Variants in CAMK1D observed in about 807,000 individuals in gnomAD.
The protein encoded by CAMK1D is calcium/calmodulin dependent protein kinase ID, also known as calcium/calmodulin-dependent protein kinase type 1D.
Under a neutral mutation model 47.7 loss-of-function variants are expected in CAMK1D, and 9 were observed. The observed-to-expected ratio is 0.19, with a 90% CI of 0.11 to 0.33. CAMK1D has a LOEUF of 0.33. Among genes scored for constraint, CAMK1D ranks in the 10% least tolerant of loss-of-function variants. The probability of loss-of-function intolerance (pLI) is 1.00; values close to 1 mark genes in which losing one functional copy is unlikely to be tolerated. For missense variants in CAMK1D, 291 were observed against 488.7 expected (o/e 0.60, Z 3.81); for synonymous variants, 184 against 184.9 (o/e 0.99, Z 0.04).
chr10:12,714,007 T>C (rs896976042), intron 3 of CAMK1D, among the ~76,000 whole-genome samples: 7 of 152,284 alleles, frequency 4.6e-5, no homozygotes, highest in African/African-American at 1.7e-4. Context: ...AACGGGGTTA[T>C]GTTGACAGCT....
intron 1 of CAMK1D, among the ~76,000 whole-genome samples, chr10:12,399,879 A>G (rs1433225957): frequency 6.6e-6 from 1 of 152,152 alleles, no homozygotes; most frequent in South Asian, 2.1e-4. Flanking sequence ...GATGGCTGTG[A>G]GTTCAATATT....
chr10:12,486,977 A>G (rs988969901), intron 1 of CAMK1D, among the ~76,000 whole-genome samples: 4 of 152,146 alleles, frequency 2.6e-5, no homozygotes, highest in African/African-American at 9.7e-5. Flanking sequence ...ATAAAACAAA[A>G]CTGGGCAAAA....
chr10:12,709,915 G>A (rs1833871852), intron 3 of CAMK1D, among the ~76,000 whole-genome samples: 1 of 152,178 alleles, frequency 6.6e-6, no homozygotes, highest in Non-Finnish European at 1.5e-5. Flanking sequence ...GGAATTGAAG[G>A]ACGCAGAGTC....
chr10:12,634,923 G>A (rs755738217), intron 2 of CAMK1D, among the ~76,000 whole-genome samples: 1 of 152,206 alleles, frequency 6.6e-6, no homozygotes, highest in Middle Eastern at 3.4e-3. Flanking sequence ...GATGAGGCTT[G>A]GTTTTGTTCC....
intron 6 of CAMK1D, among the ~76,000 whole-genome samples, chr10:12,803,317 A>C (rs966365797): frequency 6.6e-6 from 1 of 152,220 alleles, no homozygotes; most frequent in Non-Finnish European, 1.5e-5. Context: ...CCTGAGGGGC[A>C]AGACCTGGGT....
chr10:12,437,254 C>T (rs140620787), intron 1 of CAMK1D, among the ~76,000 whole-genome samples: 2,090 of 152,222 alleles, frequency 0.014, 24 homozygotes, highest in Non-Finnish European at 0.02. Flanking sequence ...TGCAGTGGCA[C>T]GATCTCGGCT....
chr10:12,491,257 C>G (rs1998965), intron 1 of CAMK1D, among the ~76,000 whole-genome samples: 30,262 of 152,008 alleles, frequency 0.2, 3,680 homozygotes, highest in Non-Finnish European at 0.28. Context: ...TGCTGTTCTG[C>G]TGTGTAACTG....
intron 3 of CAMK1D, among the ~76,000 whole-genome samples, chr10:12,728,258 A>G (rs970381854): frequency 6.6e-6 from 1 of 152,206 alleles, no homozygotes. Context: ...ATATAAGAAG[A>G]TGCTGCATGT....
intron 3 of CAMK1D, among the ~76,000 whole-genome samples, chr10:12,742,398 G>A (rs1835472322): frequency 6.6e-6 from 1 of 152,128 alleles, no homozygotes. Flanking sequence ...GCCTCCCAAA[G>A]TGCTGGGATT....
intron 1 of CAMK1D, among the ~76,000 whole-genome samples, chr10:12,503,798 A>G (rs777112625): frequency 1.6e-4 from 24 of 152,146 alleles, no homozygotes; most frequent in Non-Finnish European, 3.1e-4. Context: ...AGGATGGAAG[A>G]TCAGGTTCGA....
At chr10:12,747,708 G>C (rs974251879) in intron 3 of CAMK1D, among the ~76,000 whole-genome samples, 1 of 152,114 alleles carries the variant, frequency 6.6e-6, no homozygotes, top group Non-Finnish European at 1.5e-5. Context: ...TGGCAAGCTG[G>C]AGACCCCGGA....
At chr10:12,815,871 A>C (rs1564583341) in intron 7 of CAMK1D, among the ~76,000 whole-genome samples, 1 of 152,270 alleles carries the variant, frequency 6.6e-6, no homozygotes, top group Non-Finnish European at 1.5e-5. Flanking sequence ...TGAATCAGCC[A>C]CATTTAACAC....
intron 3 of CAMK1D, among the ~76,000 whole-genome samples, chr10:12,673,087 C>T (rs960804196): frequency 4.0e-5 from 6 of 151,862 alleles, no homozygotes; most frequent in African/African-American, 1.4e-4. Flanking sequence ...GTTTCACCAT[C>T]TTGCCCAGGC....
At chr10:12,484,333 G>T (rs1337827558) in intron 1 of CAMK1D, among the ~76,000 whole-genome samples, 1 of 152,214 alleles carries the variant, frequency 6.6e-6, no homozygotes, top group Non-Finnish European at 1.5e-5. Context: ...AGGAAAACGC[G>T]TGAACTCTGT....
At chr10:12,579,926 T>G (rs1837611450) in intron 2 of CAMK1D, among the ~76,000 whole-genome samples, 1 of 152,126 alleles carries the variant, frequency 6.6e-6, no homozygotes, top group South Asian at 2.1e-4. Context: ...TGAACCTGCT[T>G]GTTGCCCTGG....
intron 6 of CAMK1D, among the ~76,000 whole-genome samples, chr10:12,795,809 C>T (rs1197013354): frequency 1.3e-5 from 2 of 152,136 alleles, no homozygotes; most frequent in African/African-American, 2.4e-5. Context: ...TTTAAAAACC[C>T]ATGTGATGAG....
At chr10:12,607,265 C>T (rs1035884480) in intron 2 of CAMK1D, among the ~76,000 whole-genome samples, 9 of 152,202 alleles carry the variant, frequency 5.9e-5, no homozygotes, top group African/African-American at 2.2e-4. Flanking sequence ...TCCAACTGGG[C>T]TTTAAAGCCA....
rs1189767639 is a variant in CAMK1D, at chr10:12,468,613, A to G, written c.93-84612A>G. 4.6e-5 allele frequency among the ~76,000 whole-genome samples: 7 copies of G among 152,300 alleles called. No homozygotes were observed. In the East Asian group the frequency reaches 1.4e-3, roughly 29 times the overall value. On this transcript the variant is annotated intron_variant, in intron 1 of 10. Transcript: ENST00000619168. ...AAAAGACTCCTTCACAGCCCCACAC[A>G]GGAGCACTGCCTGTGTTCTCTGGGG...
chr10:12,760,906 C>T (rs766622019), intron 3 of CAMK1D, 42 bp from the exon 4 acceptor site: 3 of 1,592,126 alleles, frequency 1.9e-6, no homozygotes, highest in Admixed American at 1.7e-5. Context: ...CTTCACAATT[C>T]AACAGATCCT....
Sources: allele counts gnomAD v4.1 joint callset (sites outside exome capture counted in the v4.1 genomes callset), GRCh38; gene constraint gnomAD v4.1.1; transcripts MANE v1.5; gene names NCBI Gene and HGNC (gene_info 2026-07-23, HGNC 2026-07-21).